Variants in MTUS2 observed in about 807,000 individuals in gnomAD.
MTUS2 encodes microtubule-associated tumor suppressor candidate 2.
Under a neutral mutation model 114.1 loss-of-function variants are expected in MTUS2, and 40 were observed. That is an observed-to-expected ratio of 0.35 (90% CI 0.27 to 0.46). The LOEUF (loss-of-function observed/expected upper bound fraction) is 0.46. Among genes scored for constraint, MTUS2 ranks in the 20% least tolerant of loss-of-function variants. The pLI, the probability that MTUS2 is intolerant of heterozygous loss-of-function variation, is 1.00. For synonymous variants in MTUS2, 688 were observed against 672.0 expected (o/e 1.02, Z -0.37); for missense variants, 1,679 against 1,705.4 (o/e 0.98, Z 0.27).
At chr13:29,454,465 A>G (rs1393003904) in intron 9 of MTUS2, among the ~76,000 whole-genome samples, 1 of 152,244 alleles carries the variant, frequency 6.6e-6, no homozygotes, top group East Asian at 1.9e-4. Flanking sequence ...TTACTGGAGC[A>G]CGATGTAGAA....
At chr13:29,090,240 G>T (rs1889878078) in intron 4 of MTUS2, among the ~76,000 whole-genome samples, 1 of 152,198 alleles carries the variant, frequency 6.6e-6, no homozygotes, top group Non-Finnish European at 1.5e-5. Context: ...TAACCCTGGG[G>T]ACCTGAGACC....
At chr13:28,940,028 T>G (rs9314925) in intron 2 of MTUS2, among the ~76,000 whole-genome samples, 7 of 151,950 alleles carry the variant, frequency 4.6e-5, no homozygotes, top group African/African-American at 1.7e-4. Context: ...ACCTGCCCCC[T>G]TGACTCAGTT....
At chr13:29,321,890 C>G (rs1450945547) in intron 6 of MTUS2, among the ~76,000 whole-genome samples, 2 of 152,138 alleles carry the variant, frequency 1.3e-5, no homozygotes, top group African/African-American at 4.8e-5. Flanking sequence ...TCCATGCATG[C>G]TGTTCAACTA....
In MTUS2 at chr13:29,408,088, G is replaced by A. The variant is rs369967659; in HGVS notation, c.3118-31895G>A. On this transcript the variant is annotated intron_variant, in intron 8 of 15. Coordinates refer to ENST00000612955, the MANE Select transcript of MTUS2 (RefSeq NM_001033602.4). ...TATTCTGGATACTAGTTTATTTGTG[G>A]ATTATACATATTACAATCATTTTCT... 4.6e-5 allele frequency among the ~76,000 whole-genome samples: 7 copies of A among 151,958 alleles called. No individual in the cohort carries two copies. In the East Asian group the frequency reaches 9.7e-4, roughly 21 times the overall value.
intron 1 of MTUS2, among the ~76,000 whole-genome samples, chr13:28,822,228 T>A (rs577876642): frequency 6.6e-6 from 1 of 152,326 alleles, no homozygotes; most frequent in Admixed American, 6.5e-5. Flanking sequence ...GGAGCAGATC[T>A]TATGGATGGT....
At chr13:28,905,384 T>A (rs181456437) in intron 2 of MTUS2, among the ~76,000 whole-genome samples, 5,939 of 151,674 alleles carry the variant, frequency 0.039, 251 homozygotes, top group Middle Eastern at 0.066. Context: ...TGATATTGGC[T>A]GTGGGTTTGT....
chr13:28,951,361 T>C (rs1882799858), intron 2 of MTUS2, among the ~76,000 whole-genome samples: 1 of 152,238 alleles, frequency 6.6e-6, no homozygotes. Flanking sequence ...TATTTGTCTT[T>C]TAAAATTTCT....
chr13:29,412,553 A>G (rs773366132), intron 8 of MTUS2, among the ~76,000 whole-genome samples: 1 of 152,044 alleles, frequency 6.6e-6, no homozygotes, highest in Non-Finnish European at 1.5e-5. Context: ...GTAGAGTTTC[A>G]TCAGGTTTAG....
At chr13:29,287,227 C>T (rs796549485) in intron 6 of MTUS2, among the ~76,000 whole-genome samples, 2 of 152,210 alleles carry the variant, frequency 1.3e-5, no homozygotes, top group African/African-American at 4.8e-5. Context: ...ATCAGAATTC[C>T]ATCTGTGGGC....
intron 5 of MTUS2, among the ~76,000 whole-genome samples, chr13:29,158,342 A>ACCCCCCCCCCCCCCCCCC (rs1892952343): frequency 8.3e-5 from 1 of 12,096 alleles, no homozygotes; most frequent in African/African-American, 3.3e-4. Flanking sequence ...CCACCCCCCA[A>ACCCCCCCCCCCCCCCCCC]CCCCCGTCCA....
chr13:28,984,391 G>A (rs1169592414), intron 2 of MTUS2, among the ~76,000 whole-genome samples: 1 of 152,058 alleles, frequency 6.6e-6, no homozygotes, highest in African/African-American at 2.4e-5. Context: ...TCCATAAAAG[G>A]GGTCTTTATG....
intron 12 of MTUS2, among the ~76,000 whole-genome samples, chr13:29,493,749 C>G (rs550467266): frequency 7.5e-4 from 115 of 152,336 alleles, no homozygotes; most frequent in African/African-American, 2.7e-3. Flanking sequence ...AATAGTTGCG[C>G]TATCCTTAAA....
chr13:28,830,794 A>T (rs1046559436), intron 1 of MTUS2, among the ~76,000 whole-genome samples: 2 of 152,192 alleles, frequency 1.3e-5, no homozygotes, highest in African/African-American at 4.8e-5. Flanking sequence ...GTAATCATGT[A>T]CAGAGGATCT....
intron 6 of MTUS2, among the ~76,000 whole-genome samples, chr13:29,283,022 A>G (rs1017487101): frequency 1.2e-4 from 19 of 152,262 alleles, no homozygotes; most frequent in Non-Finnish European, 5.9e-5. Context: ...CATTGTTTCT[A>G]TGGGATTAGT....
intron 6 of MTUS2, among the ~76,000 whole-genome samples, chr13:29,295,809 CAG>C (rs1378024767): frequency 6.6e-6 from 1 of 152,154 alleles, no homozygotes; most frequent in Non-Finnish European, 1.5e-5. Context: ...TCTTACATGA[CAG>C]CAGTCAAGGG....
At chr13:29,281,600 T>G in intron 5 of MTUS2, 104 bp from the exon 6 acceptor site, 1 of 1,283,102 alleles carries the variant, frequency 7.8e-7, no homozygotes. Context: ...CAGGTCAAGT[T>G]CTAAAGCAGA....
chr13:29,400,215 A>C (rs1874219249), intron 8 of MTUS2, among the ~76,000 whole-genome samples: 1 of 152,212 alleles, frequency 6.6e-6, no homozygotes, highest in African/African-American at 2.4e-5. Flanking sequence ...AAATGAGGAA[A>C]ATAATCTCAG....
chr13:29,267,672 A>G (rs992135347), intron 5 of MTUS2, among the ~76,000 whole-genome samples: 3 of 152,222 alleles, frequency 2.0e-5, no homozygotes, highest in Non-Finnish European at 2.9e-5. Flanking sequence ...CTCTATGACC[A>G]TGTGGGAATC....
chr13:28,941,303 T>C (rs1882220883), intron 2 of MTUS2, among the ~76,000 whole-genome samples: 2 of 152,114 alleles, frequency 1.3e-5, no homozygotes, highest in Admixed American at 6.5e-5. Context: ...ATATTCTGCA[T>C]ATGCTTACTG....
Sources: allele counts gnomAD v4.1 joint callset (sites outside exome capture counted in the v4.1 genomes callset), GRCh38; gene constraint gnomAD v4.1.1; transcripts MANE v1.5; gene names NCBI Gene and HGNC (gene_info 2026-07-23, HGNC 2026-07-21).